The following PILRA variants were observed in gnomAD, a reference collection of about 807,000 sequenced individuals.
PILRA encodes the protein paired immunoglobin like type 2 receptor alpha, also known as paired immunoglobulin-like type 2 receptor alpha.
PILRA carries 37 observed loss-of-function variants against 33.1 expected under a neutral mutation model. That is an observed-to-expected ratio of 1.12 (90% CI 0.86 to 1.47). The LOEUF (loss-of-function observed/expected upper bound fraction) is 1.47. Ranked by LOEUF, PILRA falls within the 40% of genes most tolerant of loss-of-function variation. The pLI is 0.00. For missense variants in PILRA, 312 were observed against 376.2 expected (o/e 0.83, Z 1.41); for synonymous variants, 146 against 149.9 (o/e 0.97, Z 0.19).
At position 100,399,278 on chromosome 7, in the gene PILRA, T is replaced by C. The variant is rs753327100; in HGVS notation, c.708-13T>C. 2 of 1,602,656 alleles carry C rather than the reference T, an allele frequency of 1.2e-6. No individual in the cohort carries two copies. Among genetic ancestry groups the C allele is most frequent in the South Asian group, 1.1e-5 (1 of 90,600 alleles). On this transcript the variant is annotated splice_polypyrimidine_tract_variant and intron_variant, in intron 4 of 6. Transcript: ENST00000198536. ...ACCTCTAACATATTTCCTGTCCTCT[T>C]GTTCCCATACAGGGAACCCTTCCAA...
intron 2 of PILRA, among the ~76,000 whole-genome samples, chr7:100,380,249 G>A (rs1791059222): frequency 6.6e-6 from 1 of 152,210 alleles, no homozygotes; most frequent in Non-Finnish European, 1.5e-5. Flanking sequence ...TAAGGCTAGA[G>A]TCCCTATATG....
At chr7:100,381,829 G>A (rs892692821) in intron 2 of PILRA, among the ~76,000 whole-genome samples, 3 of 152,190 alleles carry the variant, frequency 2.0e-5, no homozygotes, top group African/African-American at 7.2e-5. Flanking sequence ...CGGAGTGGCC[G>A]GCCGGCCCCG....
At position 100,399,921 on chromosome 7, in the gene PILRA, C is replaced by A; in HGVS notation, c.*14C>A. ...TTAAAGGCCTAACCAATGGACAGCCCTCTCAAGACTGAATGGTGAGGCCAG... is the reference window on the plus strand; with the variant it reads ...TTAAAGGCCTAACCAATGGACAGCCATCTCAAGACTGAATGGTGAGGCCAG... On this transcript the variant is annotated 3_prime_UTR_variant, in exon 7 of 7. Coordinates refer to ENST00000198536, the MANE Select transcript of PILRA (RefSeq NM_013439.3). 1.3e-6 allele frequency: 2 copies of A among 1,584,106 alleles called. No individual in the cohort carries two copies. The highest frequency in any genetic ancestry group is 1.7e-6 in the Non-Finnish European group (2 of 1,165,152).
chr7:100,384,648 C>T (rs970300655), intron 2 of PILRA, among the ~76,000 whole-genome samples: 3 of 151,960 alleles, frequency 2.0e-5, no homozygotes, highest in African/African-American at 7.3e-5. Context: ...ATTATCTGGG[C>T]ATGGTGGTGT....
chr7:100,373,955 G>A (rs1790880802), intron 1 of PILRA, 89 bp from the exon 2 acceptor site: 6 of 1,515,814 alleles, frequency 4.0e-6, no homozygotes, highest in Non-Finnish European at 5.4e-6. Flanking sequence ...CTGCCTGTGG[G>A]TGAAGGTGCG....
intron 2 of PILRA, among the ~76,000 whole-genome samples, chr7:100,376,814 G>T (rs1279519541): frequency 7.5e-6 from 1 of 133,834 alleles, no homozygotes; most frequent in Non-Finnish European, 1.5e-5. Context: ...CTGTCACCCA[G>T]GCTGGAGTGT....
chr7:100,380,621 A>C (rs1325418843), intron 2 of PILRA, among the ~76,000 whole-genome samples: 1 of 152,062 alleles, frequency 6.6e-6, no homozygotes, highest in East Asian at 1.9e-4. Flanking sequence ...CATAGCAAGA[A>C]TCTGGCAACA....
chr7:100,378,036 C>T (rs1790994356), intron 2 of PILRA, among the ~76,000 whole-genome samples: 1 of 152,050 alleles, frequency 6.6e-6, no homozygotes, highest in African/African-American at 2.4e-5. Context: ...TCATCTCAAA[C>T]GTATTACTCC....
chr7:100,374,187 T>C lies in PILRA; in HGVS notation c.208T>C (p.Ser70Pro), dbSNP rs1790889943. ...ELATAPDVRI[S>P]WRRGHFHRQS... ...AGCCACAGCTCCCGACGTGAGAATA[T>C]CCTGGAGACGGGGCCACTTCCACAG... Residue 70 changes from serine (S) to proline (P), a missense_variant, in exon 2 of 7, where the codon TCC becomes CCC. Ser to Pro is a moderately conservative substitution (Grantham distance 74). Coordinates refer to ENST00000198536, the MANE Select transcript of PILRA (RefSeq NM_013439.3). 4 of 1,614,110 alleles carry C rather than the reference T, an allele frequency of 2.5e-6. No homozygotes were observed. The highest frequency in any genetic ancestry group is 3.4e-6 in the Non-Finnish European group (4 of 1,180,024).
chr7:100,379,621 T>C (rs1258154002), intron 2 of PILRA, among the ~76,000 whole-genome samples: 5 of 146,436 alleles, frequency 3.4e-5, no homozygotes, highest in South Asian at 4.3e-4. Context: ...TGAACCGAGA[T>C]TGCACCACTG....
upstream of PILRA, among the ~76,000 whole-genome samples, chr7:100,372,244 C>G (rs368887382): frequency 3.4e-5 from 5 of 148,222 alleles, no homozygotes; most frequent in African/African-American, 1.0e-4. Flanking sequence ...GGGCCTGGCT[C>G]AGACGGAGGG....
Position 100,391,658 on chromosome 7 carries a change from G to T in PILRA, c.673+1552G>T, listed in dbSNP as rs191433355. On this transcript the variant is annotated intron_variant, in intron 3 of 6. Coordinates refer to ENST00000198536, the MANE Select transcript of PILRA (RefSeq NM_013439.3). ...GCCATGATTGTGCCACTACACTGCA[G>T]CCTGGCTGACAGAGCAAAACCTTAT... 1.7e-3 allele frequency among the ~76,000 whole-genome samples: 266 copies of T among 152,332 alleles called. 1 individual carries two copies. Among genetic ancestry groups the T allele is most frequent in the African/African-American group, 6.1e-3 (255 of 41,562 alleles).
At chr7:100,399,427 G>A in intron 5 of PILRA, 87 bp downstream of exon 5, 2 of 1,398,214 alleles carry the variant, frequency 1.4e-6, no homozygotes, top group East Asian at 2.3e-5. Flanking sequence ...CCGTGCCCCT[G>A]TCAGTATTTT....
At chr7:100,385,352 T>C (rs147144535) in intron 2 of PILRA, among the ~76,000 whole-genome samples, 17 of 152,240 alleles carry the variant, frequency 1.1e-4, no homozygotes, top group African/African-American at 4.1e-4. Context: ...TTGATTGTAC[T>C]TGGAAAAAGT....
intron 2 of PILRA, among the ~76,000 whole-genome samples, chr7:100,389,314 T>C (rs1254617105): frequency 6.6e-6 from 1 of 152,212 alleles, no homozygotes; most frequent in Non-Finnish European, 1.5e-5. Flanking sequence ...ATGCAAGGGT[T>C]CTGGAGTTGG....
At chr7:100,384,144 G>GA (rs1407238414) in intron 2 of PILRA, among the ~76,000 whole-genome samples, 2 of 152,128 alleles carry the variant, frequency 1.3e-5, no homozygotes, top group Non-Finnish European at 2.9e-5. Context: ...TGGGGTATGA[G>GA]AGGGAGGAAA....
At chr7:100,384,342 AG>A (rs900451901) in intron 2 of PILRA, among the ~76,000 whole-genome samples, 18 of 150,284 alleles carry the variant, frequency 1.2e-4, no homozygotes, top group Non-Finnish European at 2.2e-4. Flanking sequence ...TCTAGAGTGC[AG>A]GGGGAAAATT....
chr7:100,394,857 A>C (rs1791463108), intron 3 of PILRA, among the ~76,000 whole-genome samples: 2 of 152,132 alleles, frequency 1.3e-5, no homozygotes, highest in African/African-American at 4.8e-5. Flanking sequence ...TAAAGACCTA[A>C]ATGTAAGACC....
upstream of PILRA, among the ~76,000 whole-genome samples, chr7:100,371,647 C>G (rs949884933): frequency 1.3e-5 from 2 of 152,184 alleles, no homozygotes; most frequent in African/African-American, 4.8e-5. Flanking sequence ...CCATGAGCAC[C>G]TGCACTAAGG....
Sources: allele counts gnomAD v4.1 joint callset (sites outside exome capture counted in the v4.1 genomes callset), GRCh38; gene constraint gnomAD v4.1.1; transcripts MANE v1.5; gene names NCBI Gene and HGNC (gene_info 2026-07-23, HGNC 2026-07-21).